DLGAP2: variants seen among roughly 807,000 people sequenced by gnomAD.
DLGAP2 encodes disks large-associated protein 2.
A neutral mutation model predicts 100.3 loss-of-function variants in DLGAP2; 26 were observed. The ratio of observed to expected loss-of-function variants is 0.26; its 90% CI spans 0.19 to 0.36. The LOEUF is 0.36. Among genes scored for constraint, DLGAP2 ranks in the 10% least tolerant of loss-of-function variants. DLGAP2 has a pLI of 1.00. For missense variants in DLGAP2, 1,858 were observed against 1,453.2 expected, an observed-to-expected ratio of 1.28 and a Z score of -4.53; for synonymous variants, 886 against 630.1, an observed-to-expected ratio of 1.41 and a Z score of -6.08.
chr8:1,636,458 A>G (rs1038071412), intron 8 of DLGAP2, among the ~76,000 whole-genome samples: 1 of 152,226 alleles, frequency 6.6e-6, no homozygotes, highest in Non-Finnish European at 1.5e-5. Flanking sequence ...GAGAAAAATT[A>G]TCTCTATATT....
chr8:1,066,042 C>T (rs79595383), intron 2 of DLGAP2, among the ~76,000 whole-genome samples: 14 of 152,316 alleles, frequency 9.2e-5, no homozygotes, highest in African/African-American at 2.6e-4. Context: ...TAGGTCCGCT[C>T]GCTGGCTTGT....
chr8:1,086,867 A>G (rs941504846), intron 2 of DLGAP2, among the ~76,000 whole-genome samples: 11 of 152,230 alleles, frequency 7.2e-5, no homozygotes, highest in African/African-American at 2.7e-4. Context: ...CAGAAAATTA[A>G]TAAGAAAACA....
At chr8:1,250,871 A>T (rs1396463549) in intron 2 of DLGAP2, among the ~76,000 whole-genome samples, 1 of 152,196 alleles carries the variant, frequency 6.6e-6, no homozygotes, top group East Asian at 1.9e-4. Context: ...CGACGGGGTG[A>T]CGCTCTGAGA....
chr8:1,464,328 G>A (rs1416730075), intron 3 of DLGAP2, among the ~76,000 whole-genome samples: 1 of 124,224 alleles, frequency 8.0e-6, no homozygotes, highest in Non-Finnish European at 1.7e-5. Context: ...CGCCCTTCCA[G>A]GACGGCACCC....
chr8:1,422,845 G>C (rs966036323), intron 3 of DLGAP2, among the ~76,000 whole-genome samples: 1 of 152,184 alleles, frequency 6.6e-6, no homozygotes, highest in African/African-American at 2.4e-5. Flanking sequence ...GCTGCTCAGG[G>C]CAGAGTTGGA....
intron 4 of DLGAP2, among the ~76,000 whole-genome samples, chr8:1,539,356 G>C (rs1309433594): frequency 1.3e-5 from 2 of 152,124 alleles, no homozygotes; most frequent in Non-Finnish European, 2.9e-5. Context: ...TCTGGGTGAG[G>C]ACTCCGAAGA....
intron 1 of DLGAP2, among the ~76,000 whole-genome samples, chr8:768,353 T>C (rs1821267404): frequency 6.6e-6 from 1 of 152,082 alleles, no homozygotes; most frequent in South Asian, 2.1e-4. Context: ...ATAACTGTTA[T>C]TTCAGTTAAG....
At position 1,261,955 on chromosome 8, in the gene DLGAP2, A is replaced by G. The variant is rs185634898; in HGVS notation, c.106+3072A>G. Among the ~76,000 whole-genome samples, 777 of 152,288 alleles carry G rather than the reference A, an allele frequency of 5.1e-3. 4 individuals are homozygous for G. Among genetic ancestry groups the G allele is most frequent in the African/African-American group, 0.018 (730 of 41,572 alleles). ...GCTCGGATGTGGGTGTGCAGCGCTCATTACATCCAGAAGGTTAAGGCACCA... is the reference window on the plus strand; with the variant it reads ...GCTCGGATGTGGGTGTGCAGCGCTCGTTACATCCAGAAGGTTAAGGCACCA... On this transcript the variant is annotated intron_variant, in intron 3 of 14. Transcript: ENST00000637795.
intron 6 of DLGAP2, among the ~76,000 whole-genome samples, chr8:1,593,339 C>CAGCT (rs1796347328): frequency 6.6e-6 from 1 of 151,954 alleles, no homozygotes; most frequent in African/African-American, 2.4e-5. Context: ...CCTGTAGTCC[C>CAGCT]AGCTACTCAG....
chr8:1,470,461 A>G lies in DLGAP2; in HGVS notation c.107-30905A>G, dbSNP rs1204245215. Among the ~76,000 whole-genome samples, 4 of 152,054 alleles carry G rather than the reference A, an allele frequency of 2.6e-5. No homozygotes were observed. In the East Asian group the frequency reaches 7.7e-4, roughly 29 times the overall value. ...TATGTTTAATATCATCCCTGCTGAA[A>G]TCCCTCCCGCCACCTGCTCTCTTCT... On this transcript the variant is annotated intron_variant, in intron 3 of 14. Transcript: ENST00000637795.
At chr8:1,228,862 C>T (rs1041242816) in intron 2 of DLGAP2, among the ~76,000 whole-genome samples, 3 of 152,046 alleles carry the variant, frequency 2.0e-5, no homozygotes, top group Non-Finnish European at 4.4e-5. Context: ...CCTCAGTGAC[C>T]GGGAGCAAGA....
chr8:1,418,726 C>T (rs1797007082), intron 3 of DLGAP2, among the ~76,000 whole-genome samples: 1 of 152,202 alleles, frequency 6.6e-6, no homozygotes, highest in South Asian at 2.1e-4. Flanking sequence ...ACCGTTTCTC[C>T]CACTACCAGG....
intron 2 of DLGAP2, among the ~76,000 whole-genome samples, chr8:1,177,749 G>A (rs1235701433): frequency 3.3e-5 from 5 of 152,152 alleles, no homozygotes; most frequent in Non-Finnish European, 5.9e-5. Context: ...TCTGGTGAGG[G>A]CTGCTTCCTG....
At chr8:1,477,277 T>C (rs1175141826) in intron 3 of DLGAP2, among the ~76,000 whole-genome samples, 1 of 152,098 alleles carries the variant, frequency 6.6e-6, no homozygotes, top group Non-Finnish European at 1.5e-5. Flanking sequence ...TACTGGACCA[T>C]AACACAGGGT....
At chr8:1,595,466 A>G (rs1434563477) in intron 6 of DLGAP2, among the ~76,000 whole-genome samples, 1 of 151,090 alleles carries the variant, frequency 6.6e-6, no homozygotes, top group African/African-American at 2.4e-5. Context: ...GATCGAGACC[A>G]TCCTGGCTAA....
In DLGAP2 at chr8:1,689,623, A is replaced by G. The variant is rs140174847; in HGVS notation, c.2705-1912A>G. On this transcript the variant is annotated intron_variant, in intron 12 of 14. Coordinates refer to ENST00000637795, the MANE Select transcript of DLGAP2 (RefSeq NM_001346810.2). ...TGTAGGTTAGTGATTTGTGCTCTGCAGAGACTCTCCAGGGAGAGCAAAAAG... is the reference window on the plus strand; with the variant it reads ...TGTAGGTTAGTGATTTGTGCTCTGCGGAGACTCTCCAGGGAGAGCAAAAAG... 3.9e-3 allele frequency among the ~76,000 whole-genome samples: 588 copies of G among 151,886 alleles called. 7 individuals are homozygous for G. The highest frequency in any genetic ancestry group is 0.014 in the African/African-American group (565 of 41,398).
intron 6 of DLGAP2, among the ~76,000 whole-genome samples, chr8:1,593,964 G>T (rs1398016967): frequency 3.9e-5 from 6 of 152,204 alleles, no homozygotes; most frequent in Admixed American, 6.5e-5. Flanking sequence ...TTGGAGCTCT[G>T]TTGGGTCCAG....
At chr8:1,321,457 G>A (rs568412695) in intron 3 of DLGAP2, among the ~76,000 whole-genome samples, 13 of 152,300 alleles carry the variant, frequency 8.5e-5, no homozygotes, top group African/African-American at 1.9e-4. Flanking sequence ...GCATGTGTGC[G>A]TGCATCCGCA....
chr8:1,302,863 C>T (rs544194417), intron 3 of DLGAP2, among the ~76,000 whole-genome samples: 1 of 152,186 alleles, frequency 6.6e-6, no homozygotes, highest in Non-Finnish European at 1.5e-5. Context: ...TCCTGCTGTT[C>T]ACAGCGCTTA....
Sources: gnomAD v4.1 joint callset for allele counts (sites outside exome capture counted in the v4.1 genomes callset) on GRCh38, gnomAD v4.1.1 for gene constraint, MANE v1.5 for transcripts, NCBI Gene and HGNC (gene_info 2026-07-23, HGNC 2026-07-21) for gene names.